The following CAMKK1 variants were observed in gnomAD, a reference collection of about 807,000 sequenced individuals.
The protein encoded by CAMKK1 is calcium/calmodulin dependent protein kinase kinase 1.
CAMKK1 carries 20 observed loss-of-function variants against 63.5 expected under a neutral mutation model. That is an observed-to-expected ratio of 0.32 (90% CI 0.22 to 0.46). The LOEUF is 0.46. Among genes scored for constraint, CAMKK1 ranks in the 20% least tolerant of loss-of-function variants. CAMKK1 has a pLI of 1.00. For synonymous variants in CAMKK1, 253 were observed against 269.0 expected (o/e 0.94, Z 0.58); for missense variants, 588 against 658.1 (o/e 0.89, Z 1.17).
rs748969019 is a variant in CAMKK1 at position 3,883,961 on chromosome 17, C to G, written c.409-24G>C. On this transcript the variant is annotated intron_variant, in intron 3 of 15. Coordinates refer to ENST00000348335, the MANE Select transcript of CAMKK1 (RefSeq NM_032294.3). This position sits in a 1 kb window ranked among gnomAD's most constrained non-coding sequence, Gnocchi z 4.7. ...CCCTGCAGATAGGCATCAGTCAGCC[C>G]CACCTGGACAGGGCAACCCCTCCCA... The G allele has an allele frequency of 9.9e-6, 16 of 1,612,524 alleles. No homozygotes were observed. The Middle Eastern group carries it at 4.9e-4, about 50-fold the overall frequency.
chr17:3,866,741 G>A lies in CAMKK1; in HGVS notation c.1342-730C>T, dbSNP rs568295520. Among the ~76,000 whole-genome samples, 23 of 151,476 alleles carry A rather than the reference G, an allele frequency of 1.5e-4. No individual in the cohort carries two copies. The South Asian group carries it at 4.2e-3, about 28-fold the overall frequency. ...ATATAGCCTTTTTTTTTTTTCAGAC[G>A]GAGTTTTGCTCTTGTTGCCCAGGGC... On this transcript the variant is annotated intron_variant, in intron 14 of 15. Transcript: ENST00000348335.
In CAMKK1 at chr17:3,887,370, GA is replaced by G. The variant is rs1291594883; in HGVS notation, c.-43-1641del. 6.6e-6 allele frequency among the ~76,000 whole-genome samples: 1 copy of G among 152,204 alleles called. No homozygotes were observed. Among genetic ancestry groups the G allele is most frequent in the African/African-American group, 2.4e-5 (1 of 41,450 alleles). ...GGGGCTGGTGCTGACATGGAGAAAG[GA>G]AGAGAGGAGGCTCCACACTAGGAAC... On this transcript the variant is annotated intron_variant, in intron 1 of 15. Transcript: ENST00000348335. This position sits in a 1 kb window ranked among gnomAD's most constrained non-coding sequence, Gnocchi z 6.1.
rs758113380 is a variant in CAMKK1 at position 3,884,462 on chromosome 17, G to A, written c.361-35C>T. On this transcript the variant is annotated intron_variant, in intron 2 of 15. Transcript: ENST00000348335. The surrounding 1 kb of genome is among the most constrained non-coding windows in gnomAD (Gnocchi z 4.5). ...AAGAGCGAGCACCAGGTGGAGCTGGGTCCGGAGGCAGCACTGCTCCTACCT... is the reference window on the plus strand; with the variant it reads ...AAGAGCGAGCACCAGGTGGAGCTGGATCCGGAGGCAGCACTGCTCCTACCT... 6.2e-7 allele frequency: 1 copy of A among 1,607,936 alleles called. No homozygotes were observed. The highest frequency in any genetic ancestry group is 1.7e-5 in the Admixed American group (1 of 59,810).
chr17:3,872,357 C>T (rs2054925354), intron 12 of CAMKK1, among the ~76,000 whole-genome samples, 197 bp downstream of exon 12: 1 of 152,154 alleles, frequency 6.6e-6, no homozygotes, highest in Admixed American at 6.5e-5. Flanking sequence ...GGGTTCCCAT[C>T]CACACAGTGA....
intron 15 of CAMKK1, among the ~76,000 whole-genome samples, chr17:3,863,562 G>C (rs888840834): frequency 6.6e-6 from 1 of 152,174 alleles, no homozygotes; most frequent in African/African-American, 2.4e-5. Flanking sequence ...TGATGATGAA[G>C]TAAAATCTTC....
rs994878441 is a variant in CAMKK1 at position 3,879,724 on chromosome 17, C to G, written c.796+622G>C. 1 of 152,734 alleles carries G rather than the reference C, an allele frequency of 6.5e-6. No homozygotes were observed. The highest frequency in any genetic ancestry group is 1.5e-5 in the Non-Finnish European group (1 of 68,428). The allele number at this position is 152,734 out of a possible 1,614,324, so 9.5% of individuals were successfully genotyped here. On this transcript the variant is annotated intron_variant, in intron 9 of 15. Transcript: ENST00000348335. This position sits in a 1 kb window ranked among gnomAD's most constrained non-coding sequence, Gnocchi z 4.5. ...AGCCTCTTCAGGGAGACTTCCCCAG[C>G]CCCCCGGCACTCCTACAGCCTCTAG...
Position 3,868,222 on chromosome 17 carries a change from A to C in CAMKK1, c.1341+1265T>G, listed in dbSNP as rs796487231. 2.0e-3 allele frequency among the ~76,000 whole-genome samples: 68 copies of C among 33,544 alleles called. 6 individuals carry two copies. Among genetic ancestry groups the C allele is most frequent in the Admixed American group, 0.014 (50 of 3,662 alleles). 22.0% of individuals were successfully genotyped at this position (33,544 alleles called of 152,430 possible). ...ACTGATACGTGGGCTCTGGGGGAGAAGCAGGCGCCGTCTAACTGATACGTG... is the reference window on the plus strand; with the variant it reads ...ACTGATACGTGGGCTCTGGGGGAGACGCAGGCGCCGTCTAACTGATACGTG... On this transcript the variant is annotated intron_variant, in intron 14 of 15. Coordinates refer to ENST00000348335, the MANE Select transcript of CAMKK1 (RefSeq NM_032294.3).
At position 3,869,862 on chromosome 17, in the gene CAMKK1, T is replaced by A. The variant is rs933231831; in HGVS notation, c.1151A>T (p.Asp384Val). Reference sequence around the variant, plus strand: ...CTTGTCTAACATCTTCAGGATCAGGTCCTTGAGCTCCTCGCTGATTTCTGG... The same window carrying A: ...CTTGTCTAACATCTTCAGGATCAGGACCTTGAGCTCCTCGCTGATTTCTGG... ...EEPEISEELK[D>V]LILKMLDKNP... Residue 384 changes from aspartate (D) to valine (V), a missense_variant, in exon 13 of 16, where the codon GAC becomes GTC. Asp to Val is a radical substitution (Grantham distance 152). Coordinates refer to ENST00000348335, the MANE Select transcript of CAMKK1 (RefSeq NM_032294.3). 6.2e-7 allele frequency: 1 copy of A among 1,614,194 alleles called. No individual in the cohort carries two copies. Among genetic ancestry groups the A allele is most frequent in the Admixed American group, 1.7e-5 (1 of 60,020 alleles).
Position 3,890,803 on chromosome 17 carries a change from C to T in CAMKK1, c.-44+2136G>A. The T allele has an allele frequency of 1.3e-6, 1 of 779,556 alleles. No homozygotes were observed. The highest frequency in any genetic ancestry group is 2.4e-6 in the Non-Finnish European group (1 of 417,804). 48.3% of individuals were successfully genotyped at this position (779,556 alleles called of 1,614,324 possible). A position where few individuals can be genotyped will look rare whatever the true frequency, so the allele number is the denominator to read the frequency against. ...GAACACACCTCCCTCTCCTCTGCTG[C>T]CTGGAGGACAGCTCAGACATCGCCT... On this transcript the variant is annotated intron_variant, in intron 1 of 15. Transcript: ENST00000348335. This position sits in a 1 kb window ranked among gnomAD's most constrained non-coding sequence, Gnocchi z 6.5.
chr17:3,868,690 T>TGG, intron 14 of CAMKK1, among the ~76,000 whole-genome samples: 2 of 152,048 alleles, frequency 1.3e-5, no homozygotes, highest in Non-Finnish European at 2.9e-5. Context: ...TCTCGTTCTG[T>TGG]CAACCAGGCT....
chr17:3,868,530 C>T (rs1445204784), intron 14 of CAMKK1, among the ~76,000 whole-genome samples: 1 of 152,240 alleles, frequency 6.6e-6, no homozygotes, highest in Non-Finnish European at 1.5e-5. Flanking sequence ...CCAGGCCGTT[C>T]CCCTGCCTTG....
rs1279529960 is a variant in CAMKK1 at position 3,873,440 on chromosome 17, C to T, written c.1019G>A (p.Gly340Asp). 1 of 1,614,040 alleles carries T rather than the reference C, an allele frequency of 6.2e-7. No homozygotes were observed. The highest frequency in any genetic ancestry group is 2.2e-5 in the East Asian group (1 of 44,886). The change falls in exon 11 of 16, where the codon GGC becomes GAC. Residue 340 changes from glycine to aspartate, a missense_variant. Physicochemically the swap from Gly to Asp is moderately conservative, Grantham distance 94 (BLOSUM62 -1). Transcript: ENST00000348335. Reference sequence around the variant, plus strand: ...ATAGACAAAGCAGTACAACGTGACGCCAGTGGCCCATACATCCAAGGCCTG... The same window carrying T: ...ATAGACAAAGCAGTACAACGTGACGTCAGTGGCCCATACATCCAAGGCCTG... ...SGKALDVWAT[G>D]VTLYCFVYGK...
intron 8 of CAMKK1, 89 bp from the exon 9 acceptor site, chr17:3,880,523 C>A (rs1341943270): frequency 1.2e-5 from 11 of 894,330 alleles, no homozygotes; most frequent in Non-Finnish European, 1.6e-5. Flanking sequence ...AAACCTGTGC[C>A]CACATGAGTC....
Position 3,874,411 on chromosome 17 carries a change from G to A in CAMKK1, c.997-949C>T, listed in dbSNP as rs144343080. ...TTTTCAGACAGAGTCTCACTCTGTC[G>A]CCCAGGCTAGAGTGCAATAGCACGA... is the stretch of plus-strand genomic sequence containing the variant. On this transcript the variant is annotated intron_variant, in intron 10 of 15. Coordinates refer to ENST00000348335, the MANE Select transcript of CAMKK1 (RefSeq NM_032294.3). 1.3e-3 allele frequency among the ~76,000 whole-genome samples: 192 copies of A among 152,082 alleles called. 1 individual carries two copies. The highest frequency in any genetic ancestry group is 4.5e-3 in the African/African-American group (187 of 41,498).
At chr17:3,881,876 C>T (rs2055423392) in intron 7 of CAMKK1, 1 of 568,600 alleles carries the variant, frequency 1.8e-6, no homozygotes, top group South Asian at 2.2e-5. Context: ...CCATCAGCAT[C>T]AGCATGGGGC....
Position 3,890,673 on chromosome 17 carries a change from C to T in CAMKK1, c.-44+2266G>A. ...CCTTTCCCTGTTGCCCACCCTTGCT[C>T]CCCACAACCCCACACTTACTCTCCA... On this transcript the variant is annotated intron_variant, in intron 1 of 15. Coordinates refer to ENST00000348335, the MANE Select transcript of CAMKK1 (RefSeq NM_032294.3). The surrounding 1 kb of genome is among the most constrained non-coding windows in gnomAD (Gnocchi z 6.5). 1.3e-6 allele frequency: 1 copy of T among 779,800 alleles called. No homozygotes were observed. Among genetic ancestry groups the T allele is most frequent in the Non-Finnish European group, 2.4e-6 (1 of 417,958 alleles). 48.3% of individuals were successfully genotyped at this position (779,800 alleles called of 1,614,324 possible).
chr17:3,887,597 G>A lies in CAMKK1; in HGVS notation c.-43-1867C>T, dbSNP rs1012217348. Among the ~76,000 whole-genome samples the A allele has an allele frequency of 9.9e-5, 15 of 151,424 alleles. No individual in the cohort carries two copies. The highest frequency in any genetic ancestry group is 9.2e-4 in the Admixed American group (14 of 15,232). On this transcript the variant is annotated intron_variant, in intron 1 of 15. Coordinates refer to ENST00000348335, the MANE Select transcript of CAMKK1 (RefSeq NM_032294.3). This position sits in a 1 kb window ranked among gnomAD's most constrained non-coding sequence, Gnocchi z 6.1. ...GGAGGCCTCCCTGGAGGAGGTGAGA[G>A]GGGACAGGGAGTGGGGCTGTGGCAC...
intron 15 of CAMKK1, chr17:3,865,150 G>A (rs1247748390): frequency 1.5e-5 from 15 of 985,628 alleles, no homozygotes; most frequent in Non-Finnish European, 1.8e-5. Flanking sequence ...CTCCAGCACA[G>A]GCCTTATTAG....
intron 14 of CAMKK1, among the ~76,000 whole-genome samples, chr17:3,867,540 G>C (rs1369561527): frequency 6.6e-6 from 1 of 152,164 alleles, no homozygotes; most frequent in African/African-American, 2.4e-5. Flanking sequence ...TAGAAGCAAG[G>C]GACAGCGTGG....
Sources: allele counts gnomAD v4.1 joint callset (sites outside exome capture counted in the v4.1 genomes callset), GRCh38; gene constraint gnomAD v4.1.1; non-coding constraint Gnocchi (gnomAD v3.1); transcripts MANE v1.5; gene names NCBI Gene and HGNC (gene_info 2026-07-23, HGNC 2026-07-21).